Variants in SH3BGRL2 observed in about 807,000 individuals in gnomAD.
SH3BGRL2 encodes SH3 domain binding glutamate rich protein like 2, also known as SH3 domain-binding glutamic acid-rich-like protein 2.
In SH3BGRL2, 21 loss-of-function variants were observed where a neutral mutation model predicts 14.8. The observed-to-expected ratio is 1.42, with a 90% confidence interval of 1.01 to 2.05. SH3BGRL2 has a LOEUF of 2.05. Ranked by LOEUF, SH3BGRL2 falls within the 30% of genes most tolerant of loss-of-function variation. SH3BGRL2 has a pLI of 0.00. For synonymous variants in SH3BGRL2, 50 were observed against 47.8 expected, an observed-to-expected ratio of 1.05 and a Z score of -0.19; for missense variants, 147 against 130.8, an observed-to-expected ratio of 1.12 and a Z score of -0.61.
intron 1 of SH3BGRL2, among the ~76,000 whole-genome samples, chr6:79,632,024 A>T (rs1768835672): frequency 6.6e-6 from 1 of 152,202 alleles, no homozygotes; most frequent in Non-Finnish European, 1.5e-5. Context: ...GCGCAAAGAG[A>T]ATAGTAAAAC....
chr6:79,600,031 CA>C, the SH3BGRL2 span, among the ~76,000 whole-genome samples: 5 of 152,138 alleles, frequency 3.3e-5, no homozygotes, highest in Non-Finnish European at 7.3e-5. Flanking sequence ...CCCTCCTGAG[CA>C]AATAACTCAC....
chr6:79,601,657 T>C, the SH3BGRL2 span, among the ~76,000 whole-genome samples: 4 of 152,226 alleles, frequency 2.6e-5, no homozygotes, highest in Non-Finnish European at 5.9e-5. Flanking sequence ...TCACTTGATA[T>C]AGTCCTCAGT....
the SH3BGRL2 span, among the ~76,000 whole-genome samples, chr6:79,592,515 A>G: frequency 6.6e-6 from 1 of 152,198 alleles, no homozygotes; most frequent in Admixed American, 6.5e-5. Context: ...TTAAAGTTAA[A>G]TGGAATCTTG....
chr6:79,550,939 A>G, the SH3BGRL2 span, among the ~76,000 whole-genome samples: 1 of 152,308 alleles, frequency 6.6e-6, no homozygotes, highest in Middle Eastern at 3.4e-3. Context: ...CAGGAAAACT[A>G]TATTTTCTCA....
intron 2 of SH3BGRL2, among the ~76,000 whole-genome samples, chr6:79,691,796 A>C (rs1246077828): frequency 6.6e-6 from 1 of 151,706 alleles, no homozygotes; most frequent in South Asian, 2.1e-4. Flanking sequence ...TGCTATTGTG[A>C]ATAGTGCCAC....
chr6:79,575,430 T>G, the SH3BGRL2 span: 3 of 152,154 alleles, frequency 2.0e-5, no homozygotes, highest in Non-Finnish European at 4.4e-5. Flanking sequence ...AGAAGACAGG[T>G]TTATACTCAT....
the SH3BGRL2 span, among the ~76,000 whole-genome samples, chr6:79,590,430 T>TG: frequency 3.5e-4 from 26 of 74,714 alleles, 1 homozygote; most frequent in Admixed American, 1.0e-3. Flanking sequence ...ATGTGATATA[T>TG]ATATATATAT....
At chr6:79,666,551 T>C (rs1473793319) in intron 1 of SH3BGRL2, among the ~76,000 whole-genome samples, 1 of 152,130 alleles carries the variant, frequency 6.6e-6, no homozygotes, top group Non-Finnish European at 1.5e-5. Flanking sequence ...AAATTAGGTA[T>C]ATTTGAGGTA....
At chr6:79,574,100 G>GC in the SH3BGRL2 span, 1 of 152,178 alleles carries the variant, frequency 6.6e-6, no homozygotes, top group South Asian at 2.1e-4. Flanking sequence ...AGAAAAACAA[G>GC]TTTATTCATG....
chr6:79,554,592 T>C, the SH3BGRL2 span, among the ~76,000 whole-genome samples: 1 of 152,194 alleles, frequency 6.6e-6, no homozygotes, highest in Non-Finnish European at 1.5e-5. Flanking sequence ...GAATGTAAGT[T>C]AAAAATATAA....
rs1002131505 is a variant in SH3BGRL2, at chr6:79,702,250, T to C, written c.*2741T>C. 1 of 152,672 alleles carries C rather than the reference T, an allele frequency of 6.5e-6. No homozygotes were observed. Among genetic ancestry groups the C allele is most frequent in the Non-Finnish European group, 1.5e-5 (1 of 68,038 alleles). 9.5% of individuals were successfully genotyped at this position (152,672 alleles called of 1,614,324 possible). ...ATGTTTTTATATTACATGAATTTAA[T>C]AATAAACTAAACTTTTTTTTGTCTC... On this transcript the variant is annotated 3_prime_UTR_variant, in exon 4 of 4. Transcript: ENST00000369838.
intron 2 of SH3BGRL2, among the ~76,000 whole-genome samples, chr6:79,691,311 G>A (rs1054781881): frequency 1.2e-4 from 18 of 150,976 alleles, no homozygotes; most frequent in Non-Finnish European, 2.5e-4. Flanking sequence ...GATCAAATCT[G>A]TTTTTTTGTT....
the SH3BGRL2 span, among the ~76,000 whole-genome samples, chr6:79,544,012 C>T: frequency 6.6e-6 from 1 of 152,104 alleles, no homozygotes; most frequent in Non-Finnish European, 1.5e-5. Flanking sequence ...CTCTCAAATA[C>T]CATCTTCCAT....
chr6:79,651,026 AGTC>A (rs1210500740), intron 1 of SH3BGRL2, among the ~76,000 whole-genome samples: 2 of 151,980 alleles, frequency 1.3e-5, no homozygotes, highest in African/African-American at 4.8e-5. Context: ...TGTAAATAGA[AGTC>A]GTTTTTATAT....
intron 2 of SH3BGRL2, among the ~76,000 whole-genome samples, chr6:79,685,912 A>G (rs1242046932): frequency 6.6e-6 from 1 of 152,088 alleles, no homozygotes; most frequent in Non-Finnish European, 1.5e-5. Flanking sequence ...TCCGTCTTGT[A>G]TTTTTCTTCT....
the SH3BGRL2 span, among the ~76,000 whole-genome samples, chr6:79,545,629 G>T: frequency 4.4e-3 from 670 of 152,272 alleles, 9 homozygotes; most frequent in African/African-American, 0.015. Flanking sequence ...ATGTATATAA[G>T]TAACTATTAG....
the SH3BGRL2 span, among the ~76,000 whole-genome samples, chr6:79,579,310 T>C: frequency 1.3e-5 from 2 of 152,128 alleles, no homozygotes; most frequent in African/African-American, 4.8e-5. Flanking sequence ...ACCACAAAGA[T>C]ACTCCTTGAG....
chr6:79,632,050 G>A (rs1768836104), intron 1 of SH3BGRL2, among the ~76,000 whole-genome samples: 1 of 152,180 alleles, frequency 6.6e-6, no homozygotes, highest in Admixed American at 6.5e-5. Flanking sequence ...TTGTCCTGTT[G>A]TGGTAGGATT....
the SH3BGRL2 span, among the ~76,000 whole-genome samples, chr6:79,585,407 T>G: frequency 6.6e-6 from 1 of 152,238 alleles, no homozygotes; most frequent in African/African-American, 2.4e-5. Context: ...TTCATTTACT[T>G]TGTATCTCTA....
Sources: gnomAD v4.1 joint callset for allele counts (sites outside exome capture counted in the v4.1 genomes callset) on GRCh38, gnomAD v4.1.1 for gene constraint, MANE v1.5 for transcripts, NCBI Gene and HGNC (gene_info 2026-07-23, HGNC 2026-07-21) for gene names.